The following N4BP2 variants were observed in gnomAD, a reference collection of about 807,000 sequenced individuals.
N4BP2 encodes the protein NEDD4 binding protein 2.
A neutral mutation model predicts 152.8 loss-of-function variants in N4BP2; 91 were observed. The observed-to-expected ratio is 0.60, with a 90% CI of 0.50 to 0.71. The LOEUF is 0.71. Ranked by LOEUF, N4BP2 falls within the 30% of genes least tolerant of loss-of-function variation. The pLI, the probability that N4BP2 is intolerant of heterozygous loss-of-function variation, is 0.00. For missense variants in N4BP2, 1,923 were observed against 2,059.1 expected (o/e 0.93, Z 1.28); for synonymous variants, 646 against 705.3 (o/e 0.92, Z 1.33).
chr4:40,137,690 A>G (rs929003017), intron 14 of N4BP2, among the ~76,000 whole-genome samples: 5 of 152,186 alleles, frequency 3.3e-5, no homozygotes, highest in African/African-American at 4.8e-5. Context: ...TTGCTACCCA[A>G]GTTCACATGG....
chr4:40,099,044 A>AT (rs1419581576), intron 3 of N4BP2, among the ~76,000 whole-genome samples: 1 of 151,960 alleles, frequency 6.6e-6, no homozygotes, highest in Non-Finnish European at 1.5e-5. Context: ...TGGTAAAAAT[A>AT]TTTTTTTCTT....
the N4BP2 span, among the ~76,000 whole-genome samples, chr4:40,174,466 C>A: frequency 2.0e-5 from 3 of 151,970 alleles, no homozygotes; most frequent in African/African-American, 7.3e-5. Context: ...CTTACAGTAG[C>A]CAGGATGTGG....
At chr4:40,176,257 A>C in the N4BP2 span, among the ~76,000 whole-genome samples, 2 of 152,208 alleles carry the variant, frequency 1.3e-5, no homozygotes, top group African/African-American at 4.8e-5. Context: ...TTTGCAAGAT[A>C]AAAAAGTTAA....
At chr4:40,062,679 T>G (rs964711291) in intron 1 of N4BP2, among the ~76,000 whole-genome samples, 1 of 152,090 alleles carries the variant, frequency 6.6e-6, no homozygotes, top group Non-Finnish European at 1.5e-5. Context: ...GTTCCTTGTA[T>G]TTCTCCCTGA....
intron 2 of N4BP2, among the ~76,000 whole-genome samples, chr4:40,077,082 A>G (rs1360849310): frequency 6.6e-6 from 1 of 151,734 alleles, no homozygotes; most frequent in Non-Finnish European, 1.5e-5. Context: ...GGTTCTTAGT[A>G]TCAGTTTTCT....
intron 2 of N4BP2, among the ~76,000 whole-genome samples, chr4:40,084,866 T>A (rs1713780715): frequency 6.6e-6 from 1 of 151,042 alleles, no homozygotes; most frequent in African/African-American, 2.4e-5. Context: ...CTGCCCACCT[T>A]GGCCTCCCAA....
In N4BP2 at chr4:40,120,885, C is replaced by A. The variant is rs528051650; in HGVS notation, c.2774C>A (p.Thr925Lys). ...NDKMNEISLS[T>K]AHEACWGTSS... ...AAAATGAATGAAATATCCTTATCTA[C>A]AGCACATGAGGCCTGTTGGGGCACA... Residue 925 changes from threonine to lysine, a missense_variant, in exon 9 of 18, where the codon ACA becomes AAA. Physicochemically the swap from Thr to Lys is moderately conservative, Grantham distance 78 (BLOSUM62 -1). Transcript: ENST00000261435. 3 of 1,614,072 alleles carry A rather than the reference C, an allele frequency of 1.9e-6. No individual in the cohort carries two copies. In the African/African-American group the frequency reaches 4.0e-5, roughly 22 times the overall value.
Position 40,121,295 on chromosome 4 carries a change from G to C in N4BP2, c.3184G>C (p.Val1062Leu). ...KVFNINTKSDVQEAIPYRVMY... is the reference protein window; with the variant it reads ...KVFNINTKSDLQEAIPYRVMY... The stretch of plus-strand genomic sequence containing the variant: ...TTTCAATATTAACACAAAATCAGAC[G>C]TTCAAGAAGCAATTCCATATAGAGT... Residue 1062 changes from valine (V) to leucine (L), a missense_variant, in exon 9 of 18, where the codon GTT becomes CTT. Transcript: ENST00000261435. 1 of 1,613,790 alleles carries C rather than the reference G, an allele frequency of 6.2e-7. No individual in the cohort carries two copies. The highest frequency in any genetic ancestry group is 8.5e-7 in the Non-Finnish European group (1 of 1,179,944).
At chr4:40,152,691 T>C (rs1293114079) in intron 16 of N4BP2, 89 bp from the exon 17 acceptor site, 1 of 1,454,604 alleles carries the variant, frequency 6.9e-7, no homozygotes, top group Non-Finnish European at 9.5e-7. Context: ...ATGAAAACAA[T>C]TTCATGTGCT....
At chr4:40,164,004 T>A in the N4BP2 span, among the ~76,000 whole-genome samples, 1 of 152,176 alleles carries the variant, frequency 6.6e-6, no homozygotes. Flanking sequence ...TTCTCAGGAA[T>A]CAGAGAGGAG....
chr4:40,113,296 T>TTGTA (rs1717058891), intron 6 of N4BP2, 136 bp from the exon 7 acceptor site: 1 of 599,854 alleles, frequency 1.7e-6, no homozygotes, highest in South Asian at 2.2e-5. Context: ...GTTAAAGTGA[T>TTGTA]TGTATATTTT....
chr4:40,120,334 T>C lies in N4BP2; in HGVS notation c.2223T>C (p.Asn741=), dbSNP rs1489454330. 1.2e-6 allele frequency: 2 copies of C among 1,612,932 alleles called. No individual in the cohort carries two copies. Among genetic ancestry groups the C allele is most frequent in the South Asian group, 2.2e-5 (2 of 90,990 alleles). ...ATCAAGAAGACTGTGATCTTGCAAA[T>C]AGTGGACCACTTCAAAATGAAAAAT... ...ENNQEDCDLA[N]SGPLQNEKSS... is the part of the protein sequence containing the mutation. Residue 741 remains asparagine (N), a synonymous_variant, in exon 9 of 18, where the codon AAT becomes AAC. Transcript: ENST00000261435.
At chr4:40,062,657 T>A (rs1267818421) in intron 1 of N4BP2, among the ~76,000 whole-genome samples, 1 of 151,968 alleles carries the variant, frequency 6.6e-6, no homozygotes, top group East Asian at 1.9e-4. Context: ...GTCAGTGTGC[T>A]AGCCCTATTA....
At chr4:40,128,678 C>T (rs1251217961) in intron 12 of N4BP2, among the ~76,000 whole-genome samples, 1 of 151,836 alleles carries the variant, frequency 6.6e-6, no homozygotes, top group Non-Finnish European at 1.5e-5. Flanking sequence ...CAGGCATGCG[C>T]CACCATACCC....
the N4BP2 span, among the ~76,000 whole-genome samples, chr4:40,176,089 CA>C: frequency 0.25 from 20,985 of 83,292 alleles, 1,268 homozygotes; most frequent in East Asian, 0.55. Context: ...GACTCCGTCT[CA>C]AAAAAAAAAA....
At chr4:40,124,467 C>T (rs1023673622) in intron 11 of N4BP2, among the ~76,000 whole-genome samples, 1 of 152,102 alleles carries the variant, frequency 6.6e-6, no homozygotes, top group African/African-American at 2.4e-5. Flanking sequence ...CTGCCTCAGC[C>T]TCCCAAGTAG....
Position 40,147,628 on chromosome 4 carries a change from CGGGGGCTG to C in N4BP2, c.5143+2829_5143+2836del, listed in dbSNP as rs1560645470. ...CTCCCGGACGGGGCGGCTGGCCGGG[CGGGGGCTG>C]ACCCCCCACCTCCCTCCCAGACGGG... is the stretch of plus-strand genomic sequence containing the variant. On this transcript the variant is annotated intron_variant, in intron 16 of 17. Coordinates refer to ENST00000261435, the MANE Select transcript of N4BP2 (RefSeq NM_018177.6). 1.2e-4 allele frequency among the ~76,000 whole-genome samples: 17 copies of C among 146,652 alleles called. 1 individual carries two copies. In the South Asian group the frequency reaches 2.0e-3, roughly 17 times the overall value.
intron 12 of N4BP2, among the ~76,000 whole-genome samples, chr4:40,130,004 A>G (rs1718774654): frequency 6.6e-6 from 1 of 152,072 alleles, no homozygotes; most frequent in South Asian, 2.1e-4. Context: ...ATTTTTTAGT[A>G]AGTTTAGATT....
intron 2 of N4BP2, among the ~76,000 whole-genome samples, chr4:40,094,457 G>A (rs779097836): frequency 6.6e-6 from 1 of 152,136 alleles, no homozygotes; most frequent in Admixed American, 6.6e-5. Context: ...ACCTATAATT[G>A]TGAATTTGTC....
Sources: gnomAD v4.1 joint callset for allele counts (sites outside exome capture counted in the v4.1 genomes callset) on GRCh38, gnomAD v4.1.1 for gene constraint, MANE v1.5 for transcripts, NCBI Gene and HGNC (gene_info 2026-07-23, HGNC 2026-07-21) for gene names.